Variants in SORCS1 observed in about 807,000 individuals in gnomAD.
SORCS1 encodes sortilin related VPS10 domain containing receptor 1.
A neutral mutation model predicts 146.1 loss-of-function variants in SORCS1; 60 were observed. The ratio of observed to expected loss-of-function variants is 0.41; its 90% CI spans 0.33 to 0.51. The LOEUF (loss-of-function observed/expected upper bound fraction) is 0.51, where lower values mean the gene tolerates loss of function less well. SORCS1 is among the 20% of genes least tolerant of loss of function. The probability of loss-of-function intolerance (pLI) is 0.21; values close to 1 mark genes in which losing one functional copy is unlikely to be tolerated. For synonymous variants in SORCS1, 637 were observed against 584.0 expected, an observed-to-expected ratio of 1.09 and a Z score of -1.31; for missense variants, 1,352 against 1,487.6, an observed-to-expected ratio of 0.91 and a Z score of 1.50.
At chr10:106,841,326 C>T (rs1195782745) in intron 2 of SORCS1, among the ~76,000 whole-genome samples, 17 of 151,908 alleles carry the variant, frequency 1.1e-4, no homozygotes. Flanking sequence ...AAAAACTAGC[C>T]TGGTGTGGTG....
At chr10:106,863,343 G>A (rs571280901) in intron 2 of SORCS1, among the ~76,000 whole-genome samples, 6 of 152,216 alleles carry the variant, frequency 3.9e-5, no homozygotes, top group African/African-American at 1.2e-4. Flanking sequence ...TGGCCAACAT[G>A]GTGAAACCCT....
intron 1 of SORCS1, among the ~76,000 whole-genome samples, chr10:107,043,129 T>C (rs530463180): frequency 8.5e-5 from 13 of 152,334 alleles, no homozygotes; most frequent in Admixed American, 5.2e-4. Context: ...AAGAGAATTC[T>C]GTAAGACAAA....
At chr10:106,789,849 C>A (rs1946227955) in intron 3 of SORCS1, among the ~76,000 whole-genome samples, 1 of 152,184 alleles carries the variant, frequency 6.6e-6, no homozygotes, top group Non-Finnish European at 1.5e-5. Flanking sequence ...ATTTATAAAG[C>A]AAAGAAGTGT....
intron 5 of SORCS1, among the ~76,000 whole-genome samples, chr10:106,757,510 G>T (rs996870780): frequency 6.1e-4 from 93 of 152,326 alleles, no homozygotes; most frequent in East Asian, 1.4e-3. Flanking sequence ...CAACTTTTCT[G>T]TCAGCTTAAG....
chr10:106,753,683 T>TA (rs112977179), intron 5 of SORCS1, among the ~76,000 whole-genome samples: 173 of 141,768 alleles, frequency 1.2e-3, no homozygotes, highest in East Asian at 2.8e-3. Flanking sequence ...CCAGGTATAT[T>TA]AAAAAAAAAA....
chr10:106,596,804 G>A (rs1845932328), intron 24 of SORCS1, among the ~76,000 whole-genome samples: 1 of 152,172 alleles, frequency 6.6e-6, no homozygotes, highest in South Asian at 2.1e-4. Flanking sequence ...GATAAATAAA[G>A]CATGCTTCCA....
intron 6 of SORCS1, among the ~76,000 whole-genome samples, chr10:106,717,573 TGGCCTTCA>T (rs1359514869): frequency 1.3e-5 from 2 of 152,232 alleles, no homozygotes; most frequent in Admixed American, 6.5e-5. Context: ...ATTTTATTGT[TGGCCTTCA>T]GGCATTCAGG....
At chr10:107,027,037 A>AAT (rs929441229) in intron 1 of SORCS1, among the ~76,000 whole-genome samples, 7 of 122,256 alleles carry the variant, frequency 5.7e-5, no homozygotes, top group African/African-American at 1.6e-4. Context: ...TATATATAAA[A>AAT]ATATATATAT....
At chr10:107,092,737 G>A (rs1381656470) in intron 1 of SORCS1, among the ~76,000 whole-genome samples, 1 of 151,772 alleles carries the variant, frequency 6.6e-6, no homozygotes, top group Non-Finnish European at 1.5e-5. Context: ...ATCTTTTTGT[G>A]GCTTTTCACT....
intron 23 of SORCS1, among the ~76,000 whole-genome samples, chr10:106,598,703 C>T (rs563282762): frequency 7.9e-4 from 119 of 150,218 alleles, no homozygotes; most frequent in African/African-American, 2.7e-3. Context: ...TTTTTTTTTC[C>T]TTTTCTATTT....
At chr10:107,038,913 T>A (rs1045938008) in intron 1 of SORCS1, among the ~76,000 whole-genome samples, 2 of 152,100 alleles carry the variant, frequency 1.3e-5, no homozygotes, top group African/African-American at 4.8e-5. Flanking sequence ...GGATCACCTT[T>A]AGAGTTAATG....
intron 2 of SORCS1, among the ~76,000 whole-genome samples, chr10:106,914,000 C>T (rs1952291649): frequency 6.6e-6 from 1 of 152,194 alleles, no homozygotes; most frequent in South Asian, 2.1e-4. Context: ...ATACACACAT[C>T]CAGCCAGTGG....
At chr10:107,001,566 C>T (rs1162525070) in intron 1 of SORCS1, among the ~76,000 whole-genome samples, 4 of 152,162 alleles carry the variant, frequency 2.6e-5, no homozygotes, top group Admixed American at 6.5e-5. Flanking sequence ...CGGGTTCAAG[C>T]GATTCTCCTG....
Position 106,711,834 on chromosome 10 carries a change from C to A in SORCS1, c.1025-2493G>T, listed in dbSNP as rs191515951. Among the ~76,000 whole-genome samples, 377 of 152,248 alleles carry A rather than the reference C, an allele frequency of 2.5e-3. 5 individuals carry two copies. The highest frequency in any genetic ancestry group is 8.6e-3 in the African/African-American group (359 of 41,542). On this transcript the variant is annotated intron_variant, in intron 6 of 25. Coordinates refer to ENST00000263054, the MANE Select transcript of SORCS1 (RefSeq NM_052918.5). ...CTTCCCAGAACGATCCTCCGTCTAG[C>A]ACACAAAATCTTTACCTCACAATTT...
chr10:106,637,135 G>A (rs1848774383), intron 18 of SORCS1, among the ~76,000 whole-genome samples: 1 of 152,170 alleles, frequency 6.6e-6, no homozygotes, highest in Non-Finnish European at 1.5e-5. Context: ...AACTGTGTTG[G>A]ACCTTCTTGT....
chr10:106,620,601 G>T, intron 19 of SORCS1, 40 bp from the exon 20 acceptor site: 7 of 1,604,462 alleles, frequency 4.4e-6, no homozygotes, highest in Non-Finnish European at 6.0e-6. Flanking sequence ...ATGGGGAAGA[G>T]CTTCCTCTGC....
Position 106,579,369 on chromosome 10 carries a change from C to A in SORCS1, c.3371G>T (p.Arg1124Met). 1 of 1,613,906 alleles carries A rather than the reference C, an allele frequency of 6.2e-7. No homozygotes were observed. The highest frequency in any genetic ancestry group is 8.5e-7 in the Non-Finnish European group (1 of 1,179,976). Reference sequence around the variant, plus strand: ...GGAACGTGGATAGAGGGACACGCACCTTTTAAACTTGTAGATGACGAACAC... The same window carrying A: ...GGAACGTGGATAGAGGGACACGCACATTTTAAACTTGTAGATGACGAACAC... ...LAVFVIYKFK[R>M]RVALPSPPSP... The change falls in exon 25 of 26, where the codon AGG (arginine) becomes ATG (methionine). Residue 1124 changes from arginine (R) to methionine (M), a missense_variant and splice_region_variant. Coordinates refer to ENST00000263054, the MANE Select transcript of SORCS1 (RefSeq NM_052918.5).
chr10:106,882,546 T>C (rs1360921770), intron 2 of SORCS1, among the ~76,000 whole-genome samples: 4 of 152,120 alleles, frequency 2.6e-5, no homozygotes. Flanking sequence ...AAACTTTATT[T>C]ATAATCAGGT....
At chr10:106,715,307 T>C (rs927381261) in intron 6 of SORCS1, among the ~76,000 whole-genome samples, 2 of 152,256 alleles carry the variant, frequency 1.3e-5, no homozygotes, top group East Asian at 3.8e-4. Flanking sequence ...ACAGATGTTT[T>C]CCTTGCCATA....
Sources: allele counts gnomAD v4.1 joint callset (sites outside exome capture counted in the v4.1 genomes callset), GRCh38; gene constraint gnomAD v4.1.1; transcripts MANE v1.5; gene names NCBI Gene and HGNC (gene_info 2026-07-23, HGNC 2026-07-21).